STX8: variants seen among roughly 807,000 people sequenced by gnomAD.
STX8 encodes syntaxin 8.
In STX8, 23 loss-of-function variants were observed where a neutral mutation model predicts 37.5. The ratio of observed to expected loss-of-function variants is 0.61; its 90% CI spans 0.44 to 0.87. STX8 has a LOEUF of 0.87. STX8 is among the 40% of genes least tolerant of loss of function. The pLI, the probability that STX8 is intolerant of heterozygous loss-of-function variation, is 0.00. For missense variants in STX8, 313 were observed against 284.7 expected (o/e 1.10, Z -0.71); for synonymous variants, 115 against 99.1 (o/e 1.16, Z -0.95).
intron 6 of STX8, among the ~76,000 whole-genome samples, chr17:9,431,029 T>G (rs1017963307): frequency 8.7e-5 from 13 of 149,288 alleles, no homozygotes; most frequent in Admixed American, 6.7e-4. Flanking sequence ...GTTGTTTTGG[T>G]TTTTTTTTAG....
At chr17:9,355,115 CTTTTT>C (rs1207993904) in intron 7 of STX8, among the ~76,000 whole-genome samples, 1 of 151,978 alleles carries the variant, frequency 6.6e-6, no homozygotes, top group Admixed American at 6.6e-5. Context: ...TGACATGGGT[CTTTTT>C]TTATTTCATT....
chr17:9,468,002 G>T (rs527648936), intron 6 of STX8, among the ~76,000 whole-genome samples: 1 of 152,254 alleles, frequency 6.6e-6, no homozygotes, highest in East Asian at 1.9e-4. Context: ...TAATACACAT[G>T]TAACTCTAAA....
In STX8 at chr17:9,454,666, C is replaced by T. The variant is rs1408783149; in HGVS notation, c.541+37163G>A. 6.1e-5 allele frequency among the ~76,000 whole-genome samples: 4 copies of T among 65,378 alleles called. No individual in the cohort carries two copies. In the East Asian group the frequency reaches 2.2e-3, roughly 36 times the overall value. The allele number at this position is 65,378 out of a possible 152,430, so 42.9% of individuals were successfully genotyped here. On this transcript the variant is annotated intron_variant, in intron 6 of 7. Transcript: ENST00000306357. The stretch of plus-strand genomic sequence containing the variant: ...CTGCACTCCAGCCTGGGCGACAGAG[C>T]GAGACTGTCTCAAAAAAAAAAAAAC...
intron 6 of STX8, among the ~76,000 whole-genome samples, chr17:9,463,177 C>A (rs933094639): frequency 6.6e-6 from 1 of 152,166 alleles, no homozygotes; most frequent in East Asian, 1.9e-4. Flanking sequence ...TTATTAGCTA[C>A]GTGATTTGAG....
rs62063659 is a variant in STX8 at position 9,466,246 on chromosome 17, C to T, written c.541+25583G>A. Among the ~76,000 whole-genome samples, 1,340 of 152,350 alleles carry T rather than the reference C, an allele frequency of 8.8e-3. 10 individuals are homozygous for T. The highest frequency in any genetic ancestry group is 0.013 in the Admixed American group (202 of 15,304). On this transcript the variant is annotated intron_variant, in intron 6 of 7. Transcript: ENST00000306357. The stretch of plus-strand genomic sequence containing the variant: ...TTGGCCTCCCAAAGTGCTGGGATTA[C>T]AGGCTTGAGCCATCACGCCCAGCTA...
At chr17:9,323,534 A>G (rs1278058682) in intron 7 of STX8, among the ~76,000 whole-genome samples, 4 of 152,186 alleles carry the variant, frequency 2.6e-5, no homozygotes, top group Non-Finnish European at 5.9e-5. Context: ...GGAGACAGAG[A>G]TGGACCTTGC....
intron 1 of STX8, among the ~76,000 whole-genome samples, chr17:9,574,816 G>A (rs901782601): frequency 5.3e-5 from 8 of 152,292 alleles, no homozygotes; most frequent in African/African-American, 1.9e-4. Context: ...TTACAGGCGT[G>A]AGCCACCACC....
intron 6 of STX8, among the ~76,000 whole-genome samples, chr17:9,394,240 T>C (rs1912322754): frequency 6.6e-6 from 1 of 152,062 alleles, no homozygotes; most frequent in African/African-American, 2.4e-5. Flanking sequence ...AGCGCGGCTT[T>C]GGATGTGGGA....
chr17:9,531,538 T>TGAGA (rs956385664), intron 4 of STX8, among the ~76,000 whole-genome samples: 1 of 150,964 alleles, frequency 6.6e-6, no homozygotes, highest in Non-Finnish European at 1.5e-5. Flanking sequence ...TAAGATATTT[T>TGAGA]GAGAGAGAGA....
intron 7 of STX8, among the ~76,000 whole-genome samples, chr17:9,286,669 C>T (rs1429078801): frequency 7.5e-6 from 1 of 134,214 alleles, no homozygotes; most frequent in Non-Finnish European, 1.6e-5. Flanking sequence ...ATAATTGCTT[C>T]AGGGAACAAA....
chr17:9,539,274 A>T (rs1264638677), intron 4 of STX8, among the ~76,000 whole-genome samples: 3 of 152,176 alleles, frequency 2.0e-5, no homozygotes, highest in African/African-American at 7.2e-5. Flanking sequence ...GAGGGAAAAG[A>T]GGGATGGAAA....
At chr17:9,438,566 T>C (rs1664464080) in intron 6 of STX8, among the ~76,000 whole-genome samples, 1 of 152,136 alleles carries the variant, frequency 6.6e-6, no homozygotes, top group South Asian at 2.1e-4. Context: ...TTTTAGGTTT[T>C]GTAGGCCATA....
chr17:9,417,870 T>C (rs9900532), intron 6 of STX8, among the ~76,000 whole-genome samples: 70,288 of 152,072 alleles, frequency 0.46, 17,144 homozygotes, highest in East Asian at 0.62. Flanking sequence ...AGAAGGGGGT[T>C]GCATGCTCAC....
intron 2 of STX8, among the ~76,000 whole-genome samples, chr17:9,563,129 T>A (rs1333638510): frequency 6.6e-6 from 1 of 151,440 alleles, no homozygotes; most frequent in African/African-American, 2.4e-5. Flanking sequence ...TACAAAAGAG[T>A]ATCTGTCATT....
chr17:9,489,966 G>A (rs758678910), intron 6 of STX8, among the ~76,000 whole-genome samples: 3 of 152,052 alleles, frequency 2.0e-5, no homozygotes, highest in Non-Finnish European at 4.4e-5. Context: ...GTGATTACAG[G>A]AATGAGCCAC....
chr17:9,357,014 C>T (rs1910905044), intron 7 of STX8, among the ~76,000 whole-genome samples: 1 of 124,834 alleles, frequency 8.0e-6, no homozygotes. Flanking sequence ...GTCACCCCGG[C>T]TGAAGTGCAG....
intron 7 of STX8, among the ~76,000 whole-genome samples, chr17:9,370,697 C>T (rs187092945): frequency 2.0e-5 from 3 of 152,262 alleles, no homozygotes; most frequent in South Asian, 2.1e-4. Context: ...TACATCCACC[C>T]GAGTCATTCA....
intron 7 of STX8, among the ~76,000 whole-genome samples, chr17:9,351,363 T>C (rs1910700927): frequency 6.6e-6 from 1 of 152,002 alleles, no homozygotes; most frequent in Admixed American, 6.6e-5. Flanking sequence ...TTCACTATGT[T>C]GGCCTGACTG....
Position 9,386,577 on chromosome 17 carries a change from G to A in STX8, c.542-7924C>T, listed in dbSNP as rs191349313. On this transcript the variant is annotated intron_variant, in intron 6 of 7. Transcript: ENST00000306357. ...GCAGGGAGGGAGGGAGCTGGCAGGC[G>A]GGCAGGCAGGCAGGCAGGCAAGACA... Among the ~76,000 whole-genome samples, 30 of 152,026 alleles carry A rather than the reference G, an allele frequency of 2.0e-4. No individual in the cohort carries two copies. In the East Asian group the frequency reaches 5.2e-3, roughly 27 times the overall value.
Sources: gnomAD v4.1 joint callset for allele counts (sites outside exome capture counted in the v4.1 genomes callset) on GRCh38, gnomAD v4.1.1 for gene constraint, MANE v1.5 for transcripts, NCBI Gene and HGNC (gene_info 2026-07-23, HGNC 2026-07-21) for gene names.